Variants in HS2ST1 observed in about 807,000 individuals in gnomAD.
The protein encoded by HS2ST1 is heparan sulfate 2-O-sulfotransferase 1, also known as 2-O-sulfotransferase.
Under a neutral mutation model 42.9 loss-of-function variants are expected in HS2ST1, and 18 were observed. The ratio of observed to expected loss-of-function variants is 0.42; its 90% CI spans 0.29 to 0.62. HS2ST1 has a LOEUF of 0.62. Among genes scored for constraint, HS2ST1 ranks in the 20% least tolerant of loss-of-function variants. The pLI, the probability that HS2ST1 is intolerant of heterozygous loss-of-function variation, is 0.21. For missense variants in HS2ST1, 334 were observed against 433.8 expected (o/e 0.77, Z 2.04); for synonymous variants, 146 against 152.9 (o/e 0.95, Z 0.33).
In HS2ST1 at chr1:87,097,928, G is replaced by T; in HGVS notation, c.679G>T (p.Glu227Ter). The change falls in exon 5 of 7, where the codon GAA becomes TAA. Residue 227 changes from glutamate to a stop codon, truncating the protein, a stop_gained. Transcript: ENST00000370550. LOFTEE classifies it high-confidence loss of function. ...CCCGTTCTTCTGTGGCCATAGCTCCGAATGCTGGTAGGGGAGATAAAGTTG... is the reference window on the plus strand; with the variant it reads ...CCCGTTCTTCTGTGGCCATAGCTCCTAATGCTGGTAGGGGAGATAAAGTTG... The part of the protein sequence containing the change: ...QIPFFCGHSS[E>*]CWNVGSRWAM... 6.2e-7 allele frequency: 1 copy of T among 1,613,894 alleles called. No homozygotes were observed. Among genetic ancestry groups the T allele is most frequent in the Non-Finnish European group, 8.5e-7 (1 of 1,179,850 alleles).
At chr1:87,023,379 C>T (rs1650000878) in intron 1 of HS2ST1, among the ~76,000 whole-genome samples, 1 of 151,082 alleles carries the variant, frequency 6.6e-6, no homozygotes, top group South Asian at 2.1e-4. Context: ...AAAATAAGTT[C>T]TGGTTCATGC....
chr1:86,939,058 T>C (rs1286457516), intron 1 of HS2ST1, among the ~76,000 whole-genome samples: 1 of 152,200 alleles, frequency 6.6e-6, no homozygotes, highest in African/African-American at 2.4e-5. Flanking sequence ...TGCAAATAAA[T>C]TCAATTTAAA....
intron 1 of HS2ST1, among the ~76,000 whole-genome samples, chr1:86,933,149 C>T (rs1253734922): frequency 6.6e-6 from 1 of 152,058 alleles, no homozygotes; most frequent in Non-Finnish European, 1.5e-5. Flanking sequence ...TTTTAATCTA[C>T]TCAGGTGTAG....
intron 3 of HS2ST1, among the ~76,000 whole-genome samples, chr1:87,085,178 A>G (rs918474594): frequency 4.3e-4 from 66 of 152,186 alleles, no homozygotes; most frequent in African/African-American, 1.6e-3. Flanking sequence ...AAGATTCTGC[A>G]TTAACTTCAA....
intron 1 of HS2ST1, among the ~76,000 whole-genome samples, chr1:87,002,604 T>C (rs1179135396): frequency 7.0e-6 from 1 of 142,664 alleles, no homozygotes; most frequent in Non-Finnish European, 1.5e-5. Context: ...CTGGAGACTT[T>C]GTCTCAAAAA....
At position 87,100,436 on chromosome 1, in the gene HS2ST1, C is replaced by T. The variant is rs1248166719; in HGVS notation, c.686+2501C>T. On this transcript the variant is annotated intron_variant, in intron 5 of 6. Transcript: ENST00000370550. ...GGGCAGCAGGACCCTGGGCCTGCCCCCTTAAATCATTCTTCCCCCCAAGGC... is the reference window on the plus strand; with the variant it reads ...GGGCAGCAGGACCCTGGGCCTGCCCTCTTAAATCATTCTTCCCCCCAAGGC... Among the ~76,000 whole-genome samples, 7 of 152,282 alleles carry T rather than the reference C, an allele frequency of 4.6e-5. No homozygotes were observed. The East Asian group carries it at 1.2e-3, about 25-fold the overall frequency.
intron 1 of HS2ST1, among the ~76,000 whole-genome samples, chr1:86,927,491 T>C (rs959135584): frequency 3.3e-5 from 5 of 152,206 alleles, no homozygotes; most frequent in Non-Finnish European, 7.4e-5. Context: ...GGGAAAGTAA[T>C]GTCCACTTTC....
intron 1 of HS2ST1, among the ~76,000 whole-genome samples, chr1:87,061,122 C>T (rs1651110249): frequency 1.3e-5 from 2 of 151,772 alleles, no homozygotes. Flanking sequence ...CATGAAGATA[C>T]TCAATAAATA....
intron 1 of HS2ST1, among the ~76,000 whole-genome samples, chr1:87,063,460 C>G (rs1265253940): frequency 6.6e-6 from 1 of 152,148 alleles, no homozygotes; most frequent in Non-Finnish European, 1.5e-5. Context: ...CCTCATCCTC[C>G]TGAGTAGCTG....
chr1:86,958,760 A>T (rs1296383612), intron 1 of HS2ST1, among the ~76,000 whole-genome samples: 1 of 152,218 alleles, frequency 6.6e-6, no homozygotes, highest in African/African-American at 2.4e-5. Context: ...AAGAGTACCT[A>T]ATACCGAAGA....
At chr1:86,979,458 G>A (rs1164818991) in intron 1 of HS2ST1, among the ~76,000 whole-genome samples, 1 of 152,032 alleles carries the variant, frequency 6.6e-6, no homozygotes, top group Non-Finnish European at 1.5e-5. Context: ...TATAGCACTG[G>A]ATTTTGTGTT....
intron 5 of HS2ST1, chr1:87,098,426 AG>A: frequency 1.4e-6 from 1 of 725,274 alleles, no homozygotes; most frequent in Non-Finnish European, 1.7e-6. Flanking sequence ...TACTTTAATA[AG>A]AACTGTATTT....
intron 1 of HS2ST1, among the ~76,000 whole-genome samples, chr1:86,991,150 C>T (rs2390223): frequency 0.74 from 111,804 of 151,408 alleles, 42,597 homozygotes; most frequent in East Asian, 0.97. Context: ...GTGGGTATTT[C>T]TCTTGGTCAC....
At chr1:87,072,865 A>G in intron 1 of HS2ST1, 69 bp from the exon 2 acceptor site, 3 of 1,070,972 alleles carry the variant, frequency 2.8e-6, no homozygotes, top group Non-Finnish European at 4.2e-6. Context: ...ATCATGGTCC[A>G]AAGTTCAGTG....
At chr1:86,916,276 T>C (rs958917511) in intron 1 of HS2ST1, among the ~76,000 whole-genome samples, 4 of 152,182 alleles carry the variant, frequency 2.6e-5, no homozygotes, top group Non-Finnish European at 5.9e-5. Context: ...GTTTTTTGCA[T>C]ACTCTCACCT....
chr1:86,990,316 G>C (rs778557896), intron 1 of HS2ST1, among the ~76,000 whole-genome samples: 3 of 152,130 alleles, frequency 2.0e-5, no homozygotes, highest in Non-Finnish European at 2.9e-5. Context: ...AACATTTGCT[G>C]CTTCTGGGGC....
intron 1 of HS2ST1, among the ~76,000 whole-genome samples, chr1:86,938,414 A>G (rs965480299): frequency 2.6e-5 from 4 of 152,114 alleles, no homozygotes; most frequent in East Asian, 3.8e-4. Context: ...AGTACTTTCA[A>G]TTAAGTTGCT....
chr1:86,951,181 T>C (rs1042025833), intron 1 of HS2ST1, among the ~76,000 whole-genome samples: 3 of 152,220 alleles, frequency 2.0e-5, no homozygotes, highest in Non-Finnish European at 2.9e-5. Context: ...CATTTACATA[T>C]CAGTTCTCTA....
chr1:86,955,929 A>G (rs1015013223), intron 1 of HS2ST1, among the ~76,000 whole-genome samples: 11 of 152,130 alleles, frequency 7.2e-5, no homozygotes, highest in Non-Finnish European at 1.6e-4. Context: ...GTGGAGGTTG[A>G]ACTGAGCTGT....
Sources: gnomAD v4.1 joint callset for allele counts (sites outside exome capture counted in the v4.1 genomes callset) on GRCh38, gnomAD v4.1.1 for gene constraint, MANE v1.5 for transcripts, NCBI Gene and HGNC (gene_info 2026-07-23, HGNC 2026-07-21) for gene names.